The following RHOBTB1 variants were observed in gnomAD, a reference collection of about 807,000 sequenced individuals.
The protein encoded by RHOBTB1 is rho-related BTB domain-containing protein 1.
RHOBTB1 carries 40 observed loss-of-function variants against 71.6 expected under a neutral mutation model. The observed-to-expected ratio is 0.56, with a 90% CI of 0.43 to 0.73. The LOEUF (loss-of-function observed/expected upper bound fraction) is 0.73, where lower values mean the gene tolerates loss of function less well. RHOBTB1 is among the 30% of genes least tolerant of loss of function. The pLI, the probability that RHOBTB1 is intolerant of heterozygous loss-of-function variation, is 0.00. For synonymous variants in RHOBTB1, 319 were observed against 334.9 expected, an observed-to-expected ratio of 0.95 and a Z score of 0.52; for missense variants, 797 against 894.0, an observed-to-expected ratio of 0.89 and a Z score of 1.38.
chr10:60,923,272 T>G (rs761890248), intron 2 of RHOBTB1, among the ~76,000 whole-genome samples: 10 of 152,126 alleles, frequency 6.6e-5, no homozygotes, highest in Non-Finnish European at 1.3e-4. Flanking sequence ...ACATGCTATA[T>G]AAAACAGCAG....
In RHOBTB1 at chr10:60,877,919, AC is replaced by A; in HGVS notation, c.1714del (p.Val572LeufsTer12). The A allele has an allele frequency of 1.9e-6, 3 of 1,613,782 alleles. No homozygotes were observed. Among genetic ancestry groups the A allele is most frequent in the Non-Finnish European group, 2.5e-6 (3 of 1,179,846 alleles). ...GTCATCATCCTTACCTGCAAGTGCA[AC>A]CAAGTGTGGCAGGCAAAATCTGTTT... is the stretch of plus-strand genomic sequence containing the variant. ...LANRFCLPHL[V>X]ALAEQHAVQE... On this transcript the variant is annotated frameshift_variant, in exon 8 of 11. Coordinates refer to ENST00000337910, the MANE Select transcript of RHOBTB1 (RefSeq NM_014836.5). LOFTEE classifies it high-confidence loss of function.
At chr10:60,962,113 A>G (rs1361030260) in intron 2 of RHOBTB1, among the ~76,000 whole-genome samples, 1 of 152,116 alleles carries the variant, frequency 6.6e-6, no homozygotes, top group East Asian at 1.9e-4. Flanking sequence ...TGGCCCATTT[A>G]TAATGGCTTT....
chr10:60,886,720 G>GA (rs879589402), intron 6 of RHOBTB1, among the ~76,000 whole-genome samples: 104 of 141,648 alleles, frequency 7.3e-4, no homozygotes, highest in Non-Finnish European at 1.2e-3. Flanking sequence ...AGAGATGTGG[G>GA]GGGGGGTGGG....
At chr10:60,907,297 C>T (rs945532501) in intron 4 of RHOBTB1, among the ~76,000 whole-genome samples, 1 of 152,226 alleles carries the variant, frequency 6.6e-6, no homozygotes, top group Non-Finnish European at 1.5e-5. Flanking sequence ...ATTTTCAGTG[C>T]TAAGTCCTTA....
At chr10:60,917,081 G>C (rs918666908) in intron 2 of RHOBTB1, among the ~76,000 whole-genome samples, 1 of 152,198 alleles carries the variant, frequency 6.6e-6, no homozygotes, top group African/African-American at 2.4e-5. Context: ...ACCCATGTCA[G>C]ACCTTTGATT....
At chr10:60,891,759 A>T (rs1229533881) in intron 5 of RHOBTB1, among the ~76,000 whole-genome samples, 1 of 152,176 alleles carries the variant, frequency 6.6e-6, no homozygotes, top group African/African-American at 2.4e-5. Context: ...ATTTGAGGGA[A>T]CTGACATTTT....
intron 4 of RHOBTB1, among the ~76,000 whole-genome samples, chr10:60,902,415 A>C (rs1162208028): frequency 6.6e-6 from 1 of 152,210 alleles, no homozygotes; most frequent in Non-Finnish European, 1.5e-5. Context: ...AAATGGATTA[A>C]AAAATGTTTC....
At chr10:60,986,760 T>C (rs74155430) in intron 1 of RHOBTB1, among the ~76,000 whole-genome samples, 1,803 of 152,226 alleles carry the variant, frequency 0.012, 30 homozygotes, top group African/African-American at 0.041. Flanking sequence ...GAGGTAGTTA[T>C]TATTGCTGTA....
chr10:60,950,469 T>TA (rs2085372886), intron 2 of RHOBTB1, among the ~76,000 whole-genome samples: 1 of 152,270 alleles, frequency 6.6e-6, no homozygotes, highest in Middle Eastern at 3.4e-3. Flanking sequence ...GAAACAAGTT[T>TA]AAAAAACCAA....
intron 4 of RHOBTB1, among the ~76,000 whole-genome samples, chr10:60,894,015 A>T (rs2082046449): frequency 6.6e-6 from 1 of 152,216 alleles, no homozygotes; most frequent in African/African-American, 2.4e-5. Context: ...ATAAACTCTT[A>T]CAATTTCATT....
chr10:60,973,802 A>G (rs2086236064), intron 2 of RHOBTB1, among the ~76,000 whole-genome samples: 3 of 152,068 alleles, frequency 2.0e-5, no homozygotes, highest in Non-Finnish European at 1.5e-5. Context: ...CTTGAGTTAT[A>G]TGTTAGGAAG....
At chr10:60,927,767 G>A (rs1459199498) in intron 2 of RHOBTB1, among the ~76,000 whole-genome samples, 3 of 152,098 alleles carry the variant, frequency 2.0e-5, no homozygotes, top group Non-Finnish European at 4.4e-5. Context: ...ACGATTATAA[G>A]AAAATATTGA....
chr10:60,939,727 A>T (rs1489976646), intron 2 of RHOBTB1, among the ~76,000 whole-genome samples: 1 of 152,182 alleles, frequency 6.6e-6, no homozygotes, highest in East Asian at 1.9e-4. Context: ...TAAAAGGAAG[A>T]CCAAGCGACA....
At chr10:60,986,432 A>ATATATATATATAT (rs66585379) in intron 1 of RHOBTB1, among the ~76,000 whole-genome samples, 3 of 74,330 alleles carry the variant, frequency 4.0e-5, no homozygotes, top group Admixed American at 1.3e-4. Context: ...TATATATATA[A>ATATATATATATAT]AATATATATA....
chr10:60,906,000 AG>A (rs1368506792), intron 4 of RHOBTB1, among the ~76,000 whole-genome samples: 2 of 152,214 alleles, frequency 1.3e-5, no homozygotes, highest in African/African-American at 4.8e-5. Flanking sequence ...ACATGAAACT[AG>A]ACATACAGAA....
chr10:60,959,948 A>T, intron 2 of RHOBTB1, among the ~76,000 whole-genome samples: 1 of 152,224 alleles, frequency 6.6e-6, no homozygotes, highest in Non-Finnish European at 1.5e-5. Flanking sequence ...ATAAAGGCAG[A>T]TGTATTAATG....
intron 2 of RHOBTB1, among the ~76,000 whole-genome samples, chr10:60,977,451 A>T (rs2134753176): frequency 6.6e-6 from 1 of 152,210 alleles, no homozygotes; most frequent in Admixed American, 6.6e-5. Context: ...AAACAAAAGG[A>T]AGAAATGAAG....
At chr10:60,979,825 G>A (rs2086434355) in intron 2 of RHOBTB1, among the ~76,000 whole-genome samples, 1 of 152,216 alleles carries the variant, frequency 6.6e-6, no homozygotes, top group African/African-American at 2.4e-5. Flanking sequence ...GAGAAGGTGA[G>A]ATTTGAACAA....
chr10:60,938,492 T>C (rs1225816006), intron 2 of RHOBTB1, among the ~76,000 whole-genome samples: 5 of 152,204 alleles, frequency 3.3e-5, no homozygotes, highest in African/African-American at 1.2e-4. Flanking sequence ...ATAAGGACAT[T>C]CCTGGCTCCA....
Sources: gnomAD v4.1 joint callset for allele counts (sites outside exome capture counted in the v4.1 genomes callset) on GRCh38, gnomAD v4.1.1 for gene constraint, MANE v1.5 for transcripts, NCBI Gene and HGNC (gene_info 2026-07-23, HGNC 2026-07-21) for gene names.